AUTS2: variants seen among roughly 807,000 people sequenced by gnomAD.
AUTS2 encodes activator of transcription and developmental regulator AUTS2, also known as autism susceptibility gene 2 protein.
Under a neutral mutation model 112.4 loss-of-function variants are expected in AUTS2, and 17 were observed. That is an observed-to-expected ratio of 0.15 (90% confidence interval 0.10 to 0.23). The LOEUF is 0.23. Ranked by LOEUF, AUTS2 falls within the 10% of genes least tolerant of loss-of-function variation. The pLI, the probability that AUTS2 is intolerant of heterozygous loss-of-function variation, is 1.00. For missense variants in AUTS2, 1,510 were observed against 1,701.6 expected, an observed-to-expected ratio of 0.89 and a Z score of 1.98; for synonymous variants, 751 against 702.7, an observed-to-expected ratio of 1.07 and a Z score of -1.09.
At chr7:70,635,960 G>A (rs1039979854) in intron 5 of AUTS2, among the ~76,000 whole-genome samples, 2 of 152,194 alleles carry the variant, frequency 1.3e-5, no homozygotes, top group East Asian at 1.9e-4. Context: ...GCCTCCATTC[G>A]TGTGTTTGCC....
At chr7:69,900,973 T>C (rs1273452474) in intron 2 of AUTS2, among the ~76,000 whole-genome samples, 1 of 152,210 alleles carries the variant, frequency 6.6e-6, no homozygotes, top group Non-Finnish European at 1.5e-5. Flanking sequence ...TCATGGTTAC[T>C]TAACAGCTAT....
chr7:70,328,097 A>G (rs532529386), intron 4 of AUTS2, among the ~76,000 whole-genome samples: 18 of 152,366 alleles, frequency 1.2e-4, no homozygotes, highest in South Asian at 4.1e-4. Flanking sequence ...CAAATTAGAC[A>G]GCAGGACCCC....
chr7:70,492,302 G>C (rs1163549208), intron 5 of AUTS2, among the ~76,000 whole-genome samples: 1 of 150,822 alleles, frequency 6.6e-6, no homozygotes, highest in East Asian at 1.9e-4. Flanking sequence ...AGCGAATCCA[G>C]CCACCACTCC....
intron 4 of AUTS2, among the ~76,000 whole-genome samples, chr7:70,185,873 G>A (rs1809576724): frequency 1.3e-5 from 2 of 152,186 alleles, no homozygotes; most frequent in African/African-American, 4.8e-5. Flanking sequence ...CTCAGGAAAG[G>A]CGTGAGATTG....
At chr7:69,619,135 T>C (rs1010205185) in intron 1 of AUTS2, among the ~76,000 whole-genome samples, 14 of 152,182 alleles carry the variant, frequency 9.2e-5, no homozygotes, top group Admixed American at 6.5e-5. Context: ...CTTAAAGCAT[T>C]TTTTAATGTG....
intron 1 of AUTS2, among the ~76,000 whole-genome samples, chr7:69,642,750 TCA>T (rs1794850078): frequency 6.6e-6 from 1 of 152,132 alleles, no homozygotes. Context: ...ACCCCTTCCC[TCA>T]CACAGTCTCA....
intron 2 of AUTS2, among the ~76,000 whole-genome samples, chr7:70,060,981 C>T (rs2129560714): frequency 6.6e-6 from 1 of 152,300 alleles, no homozygotes; most frequent in East Asian, 1.9e-4. Flanking sequence ...TCTTAACAAA[C>T]CCTGTGACCC....
chr7:70,400,991 GCAA>G (rs1267415240), intron 4 of AUTS2, among the ~76,000 whole-genome samples: 2 of 152,172 alleles, frequency 1.3e-5, no homozygotes, highest in Non-Finnish European at 2.9e-5. Context: ...AGACCTGCTT[GCAA>G]CAACAATCCC....
chr7:69,894,688 A>G (rs1794672248), intron 1 of AUTS2, among the ~76,000 whole-genome samples: 1 of 152,098 alleles, frequency 6.6e-6, no homozygotes, highest in Non-Finnish European at 1.5e-5. Flanking sequence ...GTTTTTTCCC[A>G]TCTCAGGTGT....
At chr7:70,422,082 C>T (rs1795246703) in intron 4 of AUTS2, among the ~76,000 whole-genome samples, 1 of 152,174 alleles carries the variant, frequency 6.6e-6, no homozygotes, top group Admixed American at 6.5e-5. Flanking sequence ...AAGGCAGATA[C>T]CCAATAAAGG....
chr7:70,526,141 T>C (rs1799831525), intron 5 of AUTS2, among the ~76,000 whole-genome samples: 1 of 152,184 alleles, frequency 6.6e-6, no homozygotes, highest in African/African-American at 2.4e-5. Flanking sequence ...CCTTGGGATG[T>C]CTCTTGACAT....
chr7:70,792,274 T>C lies in AUTS2; in HGVS notation c.*1278T>C, dbSNP rs1202328351. The C allele has an allele frequency of 6.6e-6, 1 of 152,588 alleles. No homozygotes were observed. Among genetic ancestry groups the C allele is most frequent in the Admixed American group, 6.5e-5 (1 of 15,272 alleles). 9.5% of individuals were successfully genotyped at this position (152,588 alleles called of 1,614,324 possible). A position where few individuals can be genotyped will look rare whatever the true frequency, so the allele number is the denominator to read the frequency against. On this transcript the variant is annotated 3_prime_UTR_variant, in exon 19 of 19. Coordinates refer to ENST00000342771, the MANE Select transcript of AUTS2 (RefSeq NM_015570.4). ...AAAAGTCTTGTGTGTGAGTGTGTTT[T>C]TTGAGTTTGCATCAATCTTAATGTC...
chr7:70,316,080 A>G (rs1156887557), intron 4 of AUTS2, among the ~76,000 whole-genome samples: 8 of 152,254 alleles, frequency 5.3e-5, no homozygotes, highest in Non-Finnish European at 1.2e-4. Flanking sequence ...TGCTGAATTA[A>G]TGCAGTATAA....
In AUTS2 at chr7:69,648,051, G is replaced by A. The variant is rs576567943; in HGVS notation, c.309+48089G>A. On this transcript the variant is annotated intron_variant, in intron 1 of 18. Transcript: ENST00000342771. ...TGAAAGAACCTTATTTCTAAATAAG[G>A]TCACATTGTGACATACTGAGGGTTA... is the stretch of plus-strand genomic sequence containing the variant. Among the ~76,000 whole-genome samples, 3 of 152,198 alleles carry A rather than the reference G, an allele frequency of 2.0e-5. No individual in the cohort carries two copies. In the South Asian group the frequency reaches 6.2e-4, roughly 32 times the overall value.
At chr7:70,626,046 G>T (rs549642859) in intron 5 of AUTS2, among the ~76,000 whole-genome samples, 3 of 152,044 alleles carry the variant, frequency 2.0e-5, no homozygotes, top group Non-Finnish European at 4.4e-5. Context: ...CTGAGTAGCT[G>T]GGACTATAGG....
rs1554396559 is a variant in AUTS2, at chr7:70,418,107, G to GTA, written c.661-17644_661-17643insAT. The stretch of plus-strand genomic sequence containing the variant: ...TGTGTGTGTGTGTGTGTGTGTGTGT[G>GTA]TGTGTCTGTGTGTGTAGACGGGGTC... On this transcript the variant is annotated intron_variant, in intron 4 of 18. Transcript: ENST00000342771. 3.5e-3 allele frequency among the ~76,000 whole-genome samples: 534 copies of GTA among 150,962 alleles called. 26 individuals are homozygous for GTA. Among genetic ancestry groups the GTA allele is most frequent in the African/African-American group, 0.012 (490 of 41,076 alleles).
intron 4 of AUTS2, among the ~76,000 whole-genome samples, chr7:70,187,436 C>T (rs139323802): frequency 0.029 from 4,341 of 152,258 alleles, 90 homozygotes; most frequent in Middle Eastern, 0.12. Flanking sequence ...TGGGTATTTA[C>T]ATGAATTTTT....
chr7:70,388,641 T>C (rs1208245384), intron 4 of AUTS2, among the ~76,000 whole-genome samples: 1 of 152,248 alleles, frequency 6.6e-6, no homozygotes, highest in Non-Finnish European at 1.5e-5. Context: ...CATTATAAGA[T>C]ACTTTCACAT....
chr7:70,179,864 G>C (rs1336270981), intron 4 of AUTS2, among the ~76,000 whole-genome samples: 1 of 152,158 alleles, frequency 6.6e-6, no homozygotes, highest in East Asian at 1.9e-4. Context: ...CCTACTCTCA[G>C]ACTCTTTCAG....
Sources: gnomAD v4.1 joint callset for allele counts (sites outside exome capture counted in the v4.1 genomes callset) on GRCh38, gnomAD v4.1.1 for gene constraint, MANE v1.5 for transcripts, NCBI Gene and HGNC (gene_info 2026-07-23, HGNC 2026-07-21) for gene names.